Variants in PCDHGB1 observed in about 807,000 individuals in gnomAD.
PCDHGB1 encodes the protein protocadherin gamma subfamily B, 1.
A neutral mutation model predicts 56.6 loss-of-function variants in PCDHGB1; 34 were observed. The observed-to-expected ratio is 0.60, with a 90% CI of 0.46 to 0.80. The LOEUF (loss-of-function observed/expected upper bound fraction) is 0.80, where lower values mean the gene tolerates loss of function less well. Among genes scored for constraint, PCDHGB1 ranks in the 30% least tolerant of loss-of-function variants. The pLI, the probability that PCDHGB1 is intolerant of heterozygous loss-of-function variation, is 0.00. For missense variants in PCDHGB1, 1,278 were observed against 1,204.6 expected (o/e 1.06, Z -0.90); for synonymous variants, 561 against 505.9 (o/e 1.11, Z -1.46).
chr5:141,434,401 T>C (rs1036239430), intron 1 of PCDHGB1, among the ~76,000 whole-genome samples: 2 of 152,242 alleles, frequency 1.3e-5, no homozygotes. Context: ...ACAAAATCTC[T>C]GCAGCACTGT....
In PCDHGB1 at chr5:141,417,959, C is replaced by T. The variant is rs759279387; in HGVS notation, c.2409+65290C>T. 7.4e-6 allele frequency: 12 copies of T among 1,613,616 alleles called. No homozygotes were observed. The highest frequency in any genetic ancestry group is 4.0e-5 in the African/African-American group (3 of 74,932). On this transcript the variant is annotated intron_variant, in intron 1 of 3. Coordinates refer to ENST00000523390, the MANE Select transcript of PCDHGB1 (RefSeq NM_018922.3). The stretch of plus-strand genomic sequence containing the variant: ...CTACCCCACGCTGTGTGAGCCGATC[C>T]GCTACTCGATTCCGGAGGAGCTGGC...
intron 1 of PCDHGB1, chr5:141,370,273 C>A: frequency 1.2e-6 from 1 of 809,002 alleles, no homozygotes; most frequent in Non-Finnish European, 1.9e-6. Context: ...GCAGCGGAGA[C>A]ACCCATTAGA....
At chr5:141,360,803 G>A (rs1392769200) in intron 1 of PCDHGB1, 1 of 1,613,926 alleles carries the variant, frequency 6.2e-7, no homozygotes, top group Admixed American at 1.7e-5. Flanking sequence ...CCACCTCAAA[G>A]TGGCACGACC....
At chr5:141,364,106 G>A (rs1763173743) in intron 1 of PCDHGB1, 1 of 439,014 alleles carries the variant, frequency 2.3e-6, no homozygotes, top group African/African-American at 2.0e-5. Context: ...GCAGTCACTG[G>A]TTAGGACTCT....
chr5:141,376,948 A>T (rs1369934638), intron 1 of PCDHGB1: 1 of 164,970 alleles, frequency 6.1e-6, no homozygotes, highest in South Asian at 1.6e-4. Context: ...CGGCCTCCCA[A>T]AGTGCTGGGA....
chr5:141,507,397 AC>A (rs1163501030), intron 3 of PCDHGB1: 1 of 152,144 alleles, frequency 6.6e-6, no homozygotes. Flanking sequence ...TGGCAACTCT[AC>A]CCCAGATGTC....
intron 1 of PCDHGB1, among the ~76,000 whole-genome samples, chr5:141,449,714 A>G (rs1188830159): frequency 2.6e-5 from 4 of 151,334 alleles, no homozygotes; most frequent in African/African-American, 7.3e-5. Flanking sequence ...CATTATTTTT[A>G]TATGATATGA....
At chr5:141,399,658 T>C (rs766038311) in intron 1 of PCDHGB1, 2 of 1,613,690 alleles carry the variant, frequency 1.2e-6, no homozygotes, top group South Asian at 2.2e-5. Flanking sequence ...TGGGGTGGTG[T>C]TCGCGCAGCG....
intron 1 of PCDHGB1, chr5:141,390,870 G>A (rs1003231489): frequency 2.2e-5 from 3 of 134,656 alleles, no homozygotes; most frequent in African/African-American, 9.4e-5. Context: ...GTGTGTGCGT[G>A]TGTGTGTGTG....
At chr5:141,500,866 A>G (rs576713520) in intron 2 of PCDHGB1, among the ~76,000 whole-genome samples, 19 of 146,112 alleles carry the variant, frequency 1.3e-4, no homozygotes, top group South Asian at 4.3e-4. Context: ...AAACATACAC[A>G]TTCATTTACA....
intron 1 of PCDHGB1, chr5:141,405,407 CTT>C (rs762612492): frequency 6.3e-7 from 1 of 1,581,924 alleles, no homozygotes; most frequent in African/African-American, 1.4e-5. Flanking sequence ...TCTTTCTTTT[CTT>C]TTTTTGTTTT....
At chr5:141,418,693 T>C (rs989725231) in intron 1 of PCDHGB1, 1 of 1,613,922 alleles carries the variant, frequency 6.2e-7, no homozygotes, top group South Asian at 1.1e-5. Context: ...CAGAGATCAC[T>C]TATTCCTTCT....
intron 1 of PCDHGB1, chr5:141,365,479 A>C: frequency 6.2e-7 from 1 of 1,614,024 alleles, no homozygotes; most frequent in African/African-American, 1.3e-5. Context: ...GTGAGATTGC[A>C]TGCTCTATTC....
In PCDHGB1 at chr5:141,512,267, G is replaced by C. The variant is rs2099884152; in HGVS notation, c.*1094G>C. On this transcript the variant is annotated 3_prime_UTR_variant, in exon 4 of 4. Coordinates refer to ENST00000523390, the MANE Select transcript of PCDHGB1 (RefSeq NM_018922.3). ...GCCTCTGTGGGTGCTGGGTACTCCA[G>C]AGGTGCCACTGGTGGAAGGGTCAGC... 2.6e-5 allele frequency: 4 copies of C among 152,744 alleles called. No homozygotes were observed. Among genetic ancestry groups the C allele is most frequent in the Admixed American group, 2.6e-4 (4 of 15,290 alleles). 9.5% of individuals were successfully genotyped at this position (152,744 alleles called of 1,614,324 possible). A position where few individuals can be genotyped will look rare whatever the true frequency, so the allele number is the denominator to read the frequency against.
At chr5:141,413,333 C>T in intron 1 of PCDHGB1, 1 of 1,613,966 alleles carries the variant, frequency 6.2e-7, no homozygotes, top group Non-Finnish European at 8.5e-7. Context: ...GGCAACATCT[C>T]CAAGGACTTG....
At chr5:141,471,079 C>T (rs1169560328) in intron 1 of PCDHGB1, among the ~76,000 whole-genome samples, 1 of 145,256 alleles carries the variant, frequency 6.9e-6, no homozygotes, top group African/African-American at 2.5e-5. Context: ...GACAGGGTCT[C>T]CCTCTGTTGT....
intron 2 of PCDHGB1, among the ~76,000 whole-genome samples, chr5:141,502,067 CCTTCACCTGGGG>C (rs1307097799): frequency 6.6e-6 from 1 of 152,172 alleles, no homozygotes; most frequent in Non-Finnish European, 1.5e-5. Flanking sequence ...CCATTAGCCC[CCTTCACCTGGGG>C]CTGAGAACAC....
chr5:141,395,655 A>G (rs1302159911), intron 1 of PCDHGB1: 1 of 164,294 alleles, frequency 6.1e-6, no homozygotes, highest in East Asian at 1.8e-4. Context: ...GCTTAGCAAA[A>G]GTAAAATATA....
At position 141,432,204 on chromosome 5, in the gene PCDHGB1, A is replaced by G. The variant is rs1204867610; in HGVS notation, c.2410-62603A>G. On this transcript the variant is annotated intron_variant, in intron 1 of 3. Coordinates refer to ENST00000523390, the MANE Select transcript of PCDHGB1 (RefSeq NM_018922.3). This position sits in a 1 kb window ranked among gnomAD's most constrained non-coding sequence, Gnocchi z 6.0. ...GTGACCGCCCACGACCCCGACTGTG[A>G]AGAGAACGCCCAGATCACTTATTCC... 1.9e-6 allele frequency: 3 copies of G among 1,614,070 alleles called. No homozygotes were observed. Among genetic ancestry groups the G allele is most frequent in the African/African-American group, 2.7e-5 (2 of 74,928 alleles).
Sources: gnomAD v4.1 joint callset for allele counts (sites outside exome capture counted in the v4.1 genomes callset) on GRCh38, gnomAD v4.1.1 for gene constraint, Gnocchi (gnomAD v3.1) non-coding constraint, MANE v1.5 for transcripts, NCBI Gene and HGNC (gene_info 2026-07-23, HGNC 2026-07-21) for gene names.